NUBPL: variants seen among roughly 807,000 people sequenced by gnomAD.
NUBPL encodes iron-sulfur cluster transfer protein NUBPL.
NUBPL carries 31 observed loss-of-function variants against 45.7 expected under a neutral mutation model. The ratio of observed to expected loss-of-function variants is 0.68; its 90% CI spans 0.51 to 0.92. The LOEUF is 0.92. Ranked by LOEUF, NUBPL falls within the 40% of genes least tolerant of loss-of-function variation. The probability of loss-of-function intolerance (pLI) is 0.00; values close to 1 mark genes in which losing one functional copy is unlikely to be tolerated. For synonymous variants in NUBPL, 144 were observed against 140.9 expected (o/e 1.02, Z -0.15); for missense variants, 401 against 398.7 (o/e 1.01, Z -0.05).
At chr14:31,635,915 G>A (rs1406670616) in intron 4 of NUBPL, among the ~76,000 whole-genome samples, 1 of 152,154 alleles carries the variant, frequency 6.6e-6, no homozygotes, top group Non-Finnish European at 1.5e-5. Context: ...GTGTAAGAAT[G>A]CTTGTGATTT....
intron 6 of NUBPL, among the ~76,000 whole-genome samples, chr14:31,751,499 C>T (rs1481579290): frequency 6.6e-6 from 1 of 152,262 alleles, no homozygotes; most frequent in Non-Finnish European, 1.5e-5. Flanking sequence ...AATCTTAAAG[C>T]TCCAAAATAA....
intron 4 of NUBPL, among the ~76,000 whole-genome samples, chr14:31,662,792 T>A: frequency 6.6e-6 from 1 of 152,216 alleles, no homozygotes; most frequent in East Asian, 1.9e-4. Flanking sequence ...GTCTTTATAG[T>A]AGAATGATTT....
At chr14:31,787,754 T>G in intron 6 of NUBPL, 26 bp from the exon 7 acceptor site, 4 of 1,421,296 alleles carry the variant, frequency 2.8e-6, no homozygotes, top group Non-Finnish European at 4.0e-6. Flanking sequence ...TTTTATACAA[T>G]GATATAATCT....
At chr14:31,767,030 T>G (rs1428149479) in intron 6 of NUBPL, among the ~76,000 whole-genome samples, 2 of 152,088 alleles carry the variant, frequency 1.3e-5, no homozygotes, top group East Asian at 3.9e-4. Flanking sequence ...AAAAATTTTC[T>G]AACGGCAAAA....
At chr14:31,687,795 G>A (rs553512366) in intron 6 of NUBPL, among the ~76,000 whole-genome samples, 7 of 152,330 alleles carry the variant, frequency 4.6e-5, no homozygotes, top group Middle Eastern at 3.4e-3. Flanking sequence ...GGAAGTCTCT[G>A]AAGAAGTAGA....
chr14:31,731,772 CCTTTTCTAG>C (rs1566528913), intron 6 of NUBPL, among the ~76,000 whole-genome samples: 1 of 152,126 alleles, frequency 6.6e-6, no homozygotes, highest in East Asian at 1.9e-4. Context: ...AACACAGCCT[CCTTTTCTAG>C]CCTTCCTCAG....
At chr14:31,727,808 T>G (rs921641493) in intron 6 of NUBPL, among the ~76,000 whole-genome samples, 1 of 152,222 alleles carries the variant, frequency 6.6e-6, no homozygotes, top group African/African-American at 2.4e-5. Flanking sequence ...TATTATATTT[T>G]AATTCAGTAT....
intron 4 of NUBPL, among the ~76,000 whole-genome samples, chr14:31,625,265 G>A (rs543141219): frequency 6.6e-6 from 1 of 152,242 alleles, no homozygotes; most frequent in East Asian, 1.9e-4. Flanking sequence ...TTACATTTTA[G>A]ATTTGACAGT....
chr14:31,562,598 T>TG (rs1015285512), intron 2 of NUBPL, among the ~76,000 whole-genome samples: 2 of 124,612 alleles, frequency 1.6e-5, no homozygotes, highest in African/African-American at 6.3e-5. Context: ...GTAACTTTTT[T>TG]TTTTTGTTTT....
At position 31,855,569 on chromosome 14, in the gene NUBPL, TTG is replaced by T. The variant is rs2040603274; in HGVS notation, c.898-3548_898-3547del. Among the ~76,000 whole-genome samples, 3 of 152,168 alleles carry T rather than the reference TTG, an allele frequency of 2.0e-5. No homozygotes were observed. In the South Asian group the frequency reaches 6.2e-4, roughly 32 times the overall value. On this transcript the variant is annotated intron_variant, in intron 10 of 10. Coordinates refer to ENST00000281081, the MANE Select transcript of NUBPL (RefSeq NM_025152.3). ...AAGTGAGATTATTTACATGAAGTAC[TTG>T]GTATAGTAGGTACTCAATAAAAACA...
At chr14:31,685,405 T>C (rs1036844285) in intron 6 of NUBPL, among the ~76,000 whole-genome samples, 5 of 152,134 alleles carry the variant, frequency 3.3e-5, no homozygotes, top group African/African-American at 1.2e-4. Context: ...ATAGAGAGTA[T>C]TGTATTCTAA....
chr14:31,588,109 C>T (rs2034041883), intron 3 of NUBPL, among the ~76,000 whole-genome samples: 1 of 152,158 alleles, frequency 6.6e-6, no homozygotes, highest in Non-Finnish European at 1.5e-5. Flanking sequence ...GTAGTGTTAC[C>T]TGCAGACTCT....
intron 6 of NUBPL, among the ~76,000 whole-genome samples, chr14:31,705,460 T>C (rs542171934): frequency 6.6e-6 from 1 of 151,512 alleles, no homozygotes; most frequent in Non-Finnish European, 1.5e-5. Context: ...GTCCATTTTA[T>C]AGAGAGCTGA....
intron 6 of NUBPL, among the ~76,000 whole-genome samples, chr14:31,707,108 T>C (rs574291000): frequency 6.6e-6 from 1 of 152,368 alleles, no homozygotes; most frequent in East Asian, 1.9e-4. Context: ...TCTATCATCC[T>C]GTCCTGTAGG....
intron 6 of NUBPL, among the ~76,000 whole-genome samples, chr14:31,688,125 G>A (rs2036997436): frequency 6.6e-6 from 1 of 152,104 alleles, no homozygotes; most frequent in Non-Finnish European, 1.5e-5. Context: ...ACAACTTAAA[G>A]CAAAAGATAG....
intron 4 of NUBPL, among the ~76,000 whole-genome samples, chr14:31,638,374 C>G (rs1484539463): frequency 6.6e-6 from 1 of 151,458 alleles, no homozygotes; most frequent in East Asian, 1.9e-4. Flanking sequence ...ATATGAAATT[C>G]TGGGTTGAAA....
At chr14:31,640,152 T>C (rs1382382909) in intron 4 of NUBPL, among the ~76,000 whole-genome samples, 1 of 152,162 alleles carries the variant, frequency 6.6e-6, no homozygotes, top group African/African-American at 2.4e-5. Flanking sequence ...CAGATGGAAA[T>C]GCAGAAATCA....
intron 6 of NUBPL, among the ~76,000 whole-genome samples, chr14:31,755,528 C>G (rs571326619): frequency 6.6e-6 from 1 of 151,676 alleles, no homozygotes; most frequent in Non-Finnish European, 1.5e-5. Context: ...GTCCTTCGCC[C>G]ACTTTTTGAT....
intron 3 of NUBPL, among the ~76,000 whole-genome samples, chr14:31,573,066 C>T (rs1317099103): frequency 6.6e-6 from 1 of 152,116 alleles, no homozygotes; most frequent in African/African-American, 2.4e-5. Flanking sequence ...AATGTGAAGG[C>T]CTAGGGCATT....
Sources: gnomAD v4.1 joint callset for allele counts (sites outside exome capture counted in the v4.1 genomes callset) on GRCh38, gnomAD v4.1.1 for gene constraint, MANE v1.5 for transcripts, NCBI Gene and HGNC (gene_info 2026-07-23, HGNC 2026-07-21) for gene names.